The following ZMAT4 variants were observed in gnomAD, a reference collection of about 807,000 sequenced individuals.
ZMAT4 encodes the protein zinc finger matrin-type protein 4.
A neutral mutation model predicts 28.7 loss-of-function variants in ZMAT4; 17 were observed. That is an observed-to-expected ratio of 0.59 (90% CI 0.41 to 0.89). The LOEUF is 0.89. ZMAT4 is among the 40% of genes least tolerant of loss of function. The pLI, the probability that ZMAT4 is intolerant of heterozygous loss-of-function variation, is 0.00. For missense variants in ZMAT4, 240 were observed against 283.8 expected, an observed-to-expected ratio of 0.85 and a Z score of 1.11; for synonymous variants, 117 against 109.2, an observed-to-expected ratio of 1.07 and a Z score of -0.44.
chr8:40,745,384 T>C (rs1812175451), intron 3 of ZMAT4, among the ~76,000 whole-genome samples: 1 of 152,122 alleles, frequency 6.6e-6, no homozygotes, highest in African/African-American at 2.4e-5. Flanking sequence ...TACAAGCAAG[T>C]AATTCAAGTA....
At chr8:40,680,626 A>T (rs972899209) in intron 4 of ZMAT4, among the ~76,000 whole-genome samples, 3 of 151,810 alleles carry the variant, frequency 2.0e-5, no homozygotes, top group Non-Finnish European at 2.9e-5. Context: ...CAGTTTGCCA[A>T]GGAGCCACAG....
chr8:40,802,659 T>C (rs1814902132), intron 2 of ZMAT4, among the ~76,000 whole-genome samples: 1 of 152,194 alleles, frequency 6.6e-6, no homozygotes, highest in Admixed American at 6.5e-5. Context: ...ATAGATTCAA[T>C]TCAATCCCAA....
intron 5 of ZMAT4, among the ~76,000 whole-genome samples, chr8:40,628,273 A>C (rs1367977523): frequency 6.6e-6 from 1 of 152,228 alleles, no homozygotes. Flanking sequence ...AGATGAAGAC[A>C]GGAAAGCGTT....
At chr8:40,881,684 C>A (rs73678042) in intron 1 of ZMAT4, among the ~76,000 whole-genome samples, 1 of 152,070 alleles carries the variant, frequency 6.6e-6, no homozygotes, top group Non-Finnish European at 1.5e-5. Flanking sequence ...TGTATGGGGA[C>A]TGATAACATG....
At position 40,625,850 on chromosome 8, in the gene ZMAT4, G is replaced by T. The variant is rs994377142; in HGVS notation, c.578-44589C>A. On this transcript the variant is annotated intron_variant, in intron 5 of 6. Coordinates refer to ENST00000297737, the MANE Select transcript of ZMAT4 (RefSeq NM_024645.3). ...GGGGGGCTGGGCGCGGTGGAATCAT[G>T]CCTGTAATCCCAGCACTTTGGGAGG... 3.9e-5 allele frequency among the ~76,000 whole-genome samples: 6 copies of T among 151,992 alleles called. No individual in the cohort carries two copies. In the East Asian group the frequency reaches 1.2e-3, roughly 30 times the overall value.
At chr8:40,864,085 C>A (rs189093554) in intron 1 of ZMAT4, among the ~76,000 whole-genome samples, 97 of 152,328 alleles carry the variant, frequency 6.4e-4, no homozygotes, top group East Asian at 3.9e-4. Context: ...TTTCTTAATT[C>A]TTTTCCCAAT....
At chr8:40,542,984 G>T (rs946946166) in intron 6 of ZMAT4, among the ~76,000 whole-genome samples, 1 of 152,190 alleles carries the variant, frequency 6.6e-6, no homozygotes, top group Non-Finnish European at 1.5e-5. Context: ...ATGGGCTCAC[G>T]CCTCTAACGT....
At chr8:40,891,172 T>C (rs1203211033) in intron 1 of ZMAT4, among the ~76,000 whole-genome samples, 1 of 96,540 alleles carries the variant, frequency 1.0e-5, no homozygotes, top group Non-Finnish European at 2.1e-5. Flanking sequence ...CACTCCAGCC[T>C]GGGCAACAGA....
At chr8:40,861,921 C>G (rs1396062179) in intron 1 of ZMAT4, among the ~76,000 whole-genome samples, 2 of 152,108 alleles carry the variant, frequency 1.3e-5, no homozygotes, top group East Asian at 1.9e-4. Context: ...CAGGAAACAA[C>G]AGGTGCTGGA....
chr8:40,636,845 A>G (rs1361991438), intron 5 of ZMAT4, among the ~76,000 whole-genome samples: 1 of 152,180 alleles, frequency 6.6e-6, no homozygotes, highest in East Asian at 1.9e-4. Flanking sequence ...AATTCATGAG[A>G]CACAATTGCC....
intron 2 of ZMAT4, among the ~76,000 whole-genome samples, chr8:40,793,847 G>C (rs1346045651): frequency 2.6e-5 from 4 of 152,084 alleles, no homozygotes; most frequent in South Asian, 2.1e-4. Context: ...AAAGTGTGAC[G>C]GACTCGCCCC....
At chr8:40,868,337 C>T (rs565401881) in intron 1 of ZMAT4, among the ~76,000 whole-genome samples, 48 of 152,336 alleles carry the variant, frequency 3.2e-4, no homozygotes, top group South Asian at 1.9e-3. Context: ...ACAAGCCATT[C>T]TCCTCTGTGC....
intron 2 of ZMAT4, among the ~76,000 whole-genome samples, chr8:40,780,744 A>G (rs966336795): frequency 2.6e-5 from 4 of 152,322 alleles, no homozygotes; most frequent in East Asian, 3.9e-4. Context: ...ATAGATGAAA[A>G]CCCATTAATG....
intron 1 of ZMAT4, among the ~76,000 whole-genome samples, chr8:40,857,714 G>C (rs1008731323): frequency 6.6e-6 from 1 of 152,058 alleles, no homozygotes; most frequent in Non-Finnish European, 1.5e-5. Context: ...CCCCAAAAAG[G>C]CTCATATAAG....
At chr8:40,680,095 C>T (rs931237915) in intron 4 of ZMAT4, among the ~76,000 whole-genome samples, 1 of 152,158 alleles carries the variant, frequency 6.6e-6, no homozygotes, top group African/African-American at 2.4e-5. Context: ...CAGTCTCTCT[C>T]CTTCTTTTGG....
intron 2 of ZMAT4, among the ~76,000 whole-genome samples, chr8:40,791,431 A>G: frequency 6.6e-6 from 1 of 152,190 alleles, no homozygotes; most frequent in East Asian, 1.9e-4. Flanking sequence ...GTAATGTACA[A>G]TTTACAAAGT....
intron 5 of ZMAT4, among the ~76,000 whole-genome samples, chr8:40,647,357 G>T (rs143872301): frequency 6.6e-6 from 1 of 152,142 alleles, no homozygotes. Flanking sequence ...CGAATACTGC[G>T]CTTTTCTGAC....
At chr8:40,895,900 A>G (rs1818852810) in intron 1 of ZMAT4, among the ~76,000 whole-genome samples, 1 of 152,234 alleles carries the variant, frequency 6.6e-6, no homozygotes. Flanking sequence ...GAGAGGCCAC[A>G]GAGGACGACG....
intron 2 of ZMAT4, among the ~76,000 whole-genome samples, chr8:40,815,552 G>A (rs1028452734): frequency 1.3e-5 from 2 of 152,152 alleles, no homozygotes; most frequent in Non-Finnish European, 2.9e-5. Context: ...CAACCACAGG[G>A]CACAGCTGAG....
Sources: gnomAD v4.1 joint callset for allele counts (sites outside exome capture counted in the v4.1 genomes callset) on GRCh38, gnomAD v4.1.1 for gene constraint, MANE v1.5 for transcripts, NCBI Gene and HGNC (gene_info 2026-07-23, HGNC 2026-07-21) for gene names.